The following CYP3A43 variants were observed in gnomAD, a reference collection of about 807,000 sequenced individuals.
CYP3A43 encodes the protein cytochrome P450 3A43.
CYP3A43 carries 45 observed loss-of-function variants against 58.0 expected under a neutral mutation model. The observed-to-expected ratio is 0.78, with a 90% CI of 0.61 to 0.99. CYP3A43 has a LOEUF of 0.99. Ranked by LOEUF, CYP3A43 falls within the 50% of genes least tolerant of loss-of-function variation. CYP3A43 has a pLI of 0.00. For missense variants in CYP3A43, 593 were observed against 591.9 expected, an observed-to-expected ratio of 1.00 and a Z score of -0.02; for synonymous variants, 191 against 201.4, an observed-to-expected ratio of 0.95 and a Z score of 0.44.
intron 1 of CYP3A43, among the ~76,000 whole-genome samples, chr7:99,832,546 G>T (rs1183419663): frequency 1.6e-4 from 21 of 130,776 alleles, no homozygotes; most frequent in African/African-American, 5.4e-4. Flanking sequence ...GTTGTGGGGT[G>T]GGGGGAGGGG....
At chr7:99,851,443 C>G (rs1817756129) in intron 7 of CYP3A43, among the ~76,000 whole-genome samples, 1 of 151,656 alleles carries the variant, frequency 6.6e-6, no homozygotes, top group Admixed American at 6.5e-5. Flanking sequence ...TCTAATTTCT[C>G]TACATTCTTG....
At chr7:99,828,358 C>T (rs1232423146) in intron 1 of CYP3A43, among the ~76,000 whole-genome samples, 172 bp downstream of exon 1, 1 of 152,156 alleles carries the variant, frequency 6.6e-6, no homozygotes, top group Non-Finnish European at 1.5e-5. Context: ...ACTCCTAATA[C>T]AACATTTGAA....
chr7:99,851,937 C>G (rs1817778058), intron 7 of CYP3A43, among the ~76,000 whole-genome samples: 2 of 152,104 alleles, frequency 1.3e-5, no homozygotes, highest in Non-Finnish European at 2.9e-5. Context: ...ATAGTTTTAG[C>G]TCTTCTGTTT....
rs753759775 is a variant in CYP3A43 at position 99,848,134 on chromosome 7, C to T, written c.433-32C>T. ...CATGTCCTTCTGAGACTCGAGTCTG[C>T]GTAGTTAACTATGGGTGGTGTTGTG... On this transcript the variant is annotated intron_variant, in intron 5 of 12. Coordinates refer to ENST00000354829, the MANE Select transcript of CYP3A43 (RefSeq NM_057095.3). 9.3e-6 allele frequency: 15 copies of T among 1,605,428 alleles called. No homozygotes were observed. In the East Asian group the frequency reaches 1.1e-4, roughly 12 times the overall value.
chr7:99,833,457 T>TA (rs1205943196), intron 1 of CYP3A43, among the ~76,000 whole-genome samples: 1 of 152,250 alleles, frequency 6.6e-6, no homozygotes, highest in Non-Finnish European at 1.5e-5. Flanking sequence ...TTTATCTGTC[T>TA]AGTGACCTTG....
At chr7:99,834,287 C>T (rs1387685690) in intron 1 of CYP3A43, among the ~76,000 whole-genome samples, 1 of 152,144 alleles carries the variant, frequency 6.6e-6, no homozygotes, top group Non-Finnish European at 1.5e-5. Flanking sequence ...ACCTTTCTTG[C>T]ACCTAGGTAG....
chr7:99,863,431 C>T, intron 11 of CYP3A43, 106 bp from the exon 12 acceptor site: 1 of 868,208 alleles, frequency 1.2e-6, no homozygotes, highest in Non-Finnish European at 1.6e-6. Context: ...CTTTGGGAGG[C>T]CAAGGAGGTC....
Position 99,847,478 on chromosome 7 carries a change from T to C in CYP3A43, c.319-10T>C. Reference sequence around the variant, plus strand: ...TACGTAGGACAAACTGCTTCTGCTTTGAACTCAAGCCTTTAGGTCCAATGG... The same window carrying C: ...TACGTAGGACAAACTGCTTCTGCTTCGAACTCAAGCCTTTAGGTCCAATGG... On this transcript the variant is annotated splice_polypyrimidine_tract_variant and intron_variant, in intron 4 of 12. Coordinates refer to ENST00000354829, the MANE Select transcript of CYP3A43 (RefSeq NM_057095.3). 6.2e-7 allele frequency: 1 copy of C among 1,612,714 alleles called. No individual in the cohort carries two copies. The highest frequency in any genetic ancestry group is 8.5e-7 in the Non-Finnish European group (1 of 1,179,178).
At position 99,856,863 on chromosome 7, in the gene CYP3A43, G is replaced by A. The variant is rs139450738; in HGVS notation, c.829G>A (p.Asp277Asn). The stretch of plus-strand genomic sequence containing the variant: ...AGTAGATTTCTTTCAACAGATGATC[G>A]ACTCCCAGAATTCCAAAGAAACAAA... ...HRVDFFQQMI[D>N]SQNSKETKSH... The change falls in exon 9 of 13, where the codon GAC becomes AAC. Residue 277 changes from aspartate (D) to asparagine (N), a missense_variant. Asp to Asn is a conservative substitution (Grantham distance 23, BLOSUM62 1). Transcript: ENST00000354829. The A allele has an allele frequency of 1.4e-5, 23 of 1,613,422 alleles. No individual in the cohort carries two copies. Among genetic ancestry groups the A allele is most frequent in the Non-Finnish European group, 1.9e-5 (22 of 1,179,868 alleles).
At chr7:99,832,371 GT>G (rs1383170526) in intron 1 of CYP3A43, among the ~76,000 whole-genome samples, 2 of 151,966 alleles carry the variant, frequency 1.3e-5, no homozygotes, top group Non-Finnish European at 2.9e-5. Context: ...TCATAGGGGT[GT>G]TTTCACCCAT....
chr7:99,830,817 T>G (rs1488002438), intron 1 of CYP3A43, among the ~76,000 whole-genome samples: 23 of 152,250 alleles, frequency 1.5e-4, no homozygotes, highest in Admixed American at 1.5e-3. Context: ...GATTATCTCC[T>G]ATTAATTGAT....
chr7:99,860,686 A>G (rs1407758022), intron 10 of CYP3A43, among the ~76,000 whole-genome samples: 1 of 152,208 alleles, frequency 6.6e-6, no homozygotes, highest in Non-Finnish European at 1.5e-5. Flanking sequence ...GCCTGAAGGA[A>G]CAAGTGGGAA....
chr7:99,845,198 T>A (rs1232801969), intron 4 of CYP3A43, among the ~76,000 whole-genome samples: 2 of 152,248 alleles, frequency 1.3e-5, no homozygotes, highest in African/African-American at 4.8e-5. Context: ...TTCTGTGGCC[T>A]GTGGCTGTGT....
chr7:99,836,161 A>G (rs1043263301), intron 1 of CYP3A43, among the ~76,000 whole-genome samples: 1 of 152,170 alleles, frequency 6.6e-6, no homozygotes, highest in Non-Finnish European at 1.5e-5. Context: ...AGTCAGGAGC[A>G]CCCGAAAAGT....
intron 4 of CYP3A43, 83 bp from the exon 5 acceptor site, chr7:99,847,405 T>TG: frequency 7.2e-7 from 1 of 1,397,186 alleles, no homozygotes. Flanking sequence ...GTTAAATTCA[T>TG]GATGCCTGTT....
At position 99,866,028 on chromosome 7, in the gene CYP3A43, C is replaced by A; in HGVS notation, c.*27C>A. On this transcript the variant is annotated 3_prime_UTR_variant, in exon 13 of 13. Coordinates refer to ENST00000354829, the MANE Select transcript of CYP3A43 (RefSeq NM_057095.3). ...TTTCCCTAAGGACTTCCACTTTGTTCAAGAAAGCTGTATCCCAGAACACTA... is the reference window on the plus strand; with the variant it reads ...TTTCCCTAAGGACTTCCACTTTGTTAAAGAAAGCTGTATCCCAGAACACTA... 1.4e-6 allele frequency: 2 copies of A among 1,463,706 alleles called. No individual in the cohort carries two copies. Among genetic ancestry groups the A allele is most frequent in the South Asian group, 1.3e-5 (1 of 79,370 alleles). The allele number at this position is 1,463,706 out of a possible 1,614,324, so 90.7% of individuals were successfully genotyped here. A position where few individuals can be genotyped will look rare whatever the true frequency, so the allele number is the denominator to read the frequency against.
intron 9 of CYP3A43, among the ~76,000 whole-genome samples, chr7:99,857,492 A>G (rs1203879779): frequency 1.3e-5 from 2 of 152,218 alleles, no homozygotes; most frequent in Non-Finnish European, 2.9e-5. Context: ...ATTTCAAGCC[A>G]TCAAAGTTTG....
intron 10 of CYP3A43, 85 bp downstream of exon 10, chr7:99,860,075 G>T: frequency 6.7e-7 from 1 of 1,492,254 alleles, no homozygotes; most frequent in Non-Finnish European, 9.0e-7. Context: ...GACAATTTTT[G>T]CAAAAAGCGT....
intron 6 of CYP3A43, 51 bp downstream of exon 6, chr7:99,848,305 C>T (rs1817617276): frequency 1.9e-6 from 3 of 1,561,748 alleles, no homozygotes; most frequent in Middle Eastern, 1.8e-4. Context: ...CCTCCAGCTG[C>T]CTGCAGTGGA....
Sources: allele counts gnomAD v4.1 joint callset (sites outside exome capture counted in the v4.1 genomes callset), GRCh38; gene constraint gnomAD v4.1.1; transcripts MANE v1.5; gene names NCBI Gene and HGNC (gene_info 2026-07-23, HGNC 2026-07-21).